HERC2: variants seen among roughly 807,000 people sequenced by gnomAD.
HERC2 encodes HECT and RLD domain containing E3 ubiquitin protein ligase 2, also known as E3 ubiquitin-protein ligase HERC2.
HERC2 carries 102 observed loss-of-function variants against 537.7 expected under a neutral mutation model. The observed-to-expected ratio is 0.19, with a 90% confidence interval of 0.16 to 0.22. The LOEUF is 0.22. Ranked by LOEUF, HERC2 falls within the 10% of genes least tolerant of loss-of-function variation. HERC2 has a pLI of 1.00. For synonymous variants in HERC2, 2,224 were observed against 2,466.2 expected (o/e 0.90, Z 2.91); for missense variants, 4,236 against 6,198.2 (o/e 0.68, Z 10.63).
At chr15:28,141,164 G>A (rs1401027579) in intron 78 of HERC2, among the ~76,000 whole-genome samples, 2 of 152,046 alleles carry the variant, frequency 1.3e-5, no homozygotes, top group Non-Finnish European at 2.9e-5. Flanking sequence ...CTTGAACTCA[G>A]GAGGTGGAGG....
rs894015418 is a variant in HERC2 at position 28,117,059 on chromosome 15, G to T, written c.13368C>A (p.Pro4456=). Residue 4456 remains proline, a synonymous_variant, in exon 87 of 93, where the codon CCC becomes CCA. Coordinates refer to ENST00000261609, the MANE Select transcript of HERC2 (RefSeq NM_004667.6). ...QMCAKMSSFG[P]DSLLLPHRVW... is the part of the protein sequence containing the mutation. The stretch of plus-strand genomic sequence containing the variant: ...CACGGTGAGGAAGGAGGAGGCTGTC[G>T]GGACCAAACGAGCTCATCTTAGCAC... 1 of 1,614,136 alleles carries T rather than the reference G, an allele frequency of 6.2e-7. No homozygotes were observed. The highest frequency in any genetic ancestry group is 1.1e-5 in the South Asian group (1 of 91,090).
At chr15:28,197,804 G>A (rs186956780) in intron 50 of HERC2, among the ~76,000 whole-genome samples, 10 of 152,254 alleles carry the variant, frequency 6.6e-5, no homozygotes, top group Admixed American at 5.9e-4. Flanking sequence ...ACATTTCACA[G>A]AATAACTGAC....
intron 56 of HERC2, among the ~76,000 whole-genome samples, chr15:28,182,851 G>C (rs780151438): frequency 5.3e-5 from 8 of 152,124 alleles, no homozygotes; most frequent in Non-Finnish European, 8.8e-5. Flanking sequence ...GGAAACAGAC[G>C]CACAGCTGCT....
At chr15:28,255,799 T>C in intron 19 of HERC2, 73 bp downstream of exon 19, 1 of 1,477,340 alleles carries the variant, frequency 6.8e-7, no homozygotes, top group Non-Finnish European at 9.2e-7. Context: ...TTTTCAGTTA[T>C]TCTTCACGTG....
chr15:28,301,040 C>T (rs115304007), intron 2 of HERC2, among the ~76,000 whole-genome samples: 3,079 of 151,874 alleles, frequency 0.02, 97 homozygotes, highest in African/African-American at 0.071. Flanking sequence ...CAATAAAAGA[C>T]GCTAGGGCTC....
intron 2 of HERC2, among the ~76,000 whole-genome samples, chr15:28,317,931 C>T (rs774705464): frequency 6.6e-6 from 1 of 152,134 alleles, no homozygotes; most frequent in Non-Finnish European, 1.5e-5. Context: ...TAAAAAATTG[C>T]TTCATGCCTA....
Position 28,193,260 on chromosome 15 carries a change from T to C in HERC2, c.8261-1109A>G, listed in dbSNP as rs138651333. 4.3e-3 allele frequency among the ~76,000 whole-genome samples: 658 copies of C among 152,308 alleles called. 7 individuals carry two copies. Among genetic ancestry groups the C allele is most frequent in the African/African-American group, 0.015 (618 of 41,568 alleles). Reference sequence around the variant, plus strand: ...ACTTTAATATAATAACTATGCTTACTGTGTTCAAAAAGATAATATTTCAGC... The same window carrying C: ...ACTTTAATATAATAACTATGCTTACCGTGTTCAAAAAGATAATATTTCAGC... On this transcript the variant is annotated intron_variant, in intron 52 of 92. Transcript: ENST00000261609.
chr15:28,228,804 A>T (rs1388605181), intron 34 of HERC2, among the ~76,000 whole-genome samples: 1 of 152,226 alleles, frequency 6.6e-6, no homozygotes, highest in Non-Finnish European at 1.5e-5. Flanking sequence ...TGCTCTCTGA[A>T]TACTCTGGTG....
intron 69 of HERC2, among the ~76,000 whole-genome samples, chr15:28,160,546 A>G (rs1280718004): frequency 6.6e-6 from 1 of 152,208 alleles, no homozygotes; most frequent in East Asian, 1.9e-4. Flanking sequence ...CGCGAGATAT[A>G]ATCTCCTGGT....
chr15:28,174,131 T>G (rs1191646827), intron 65 of HERC2, among the ~76,000 whole-genome samples: 1 of 152,158 alleles, frequency 6.6e-6, no homozygotes, highest in African/African-American at 2.4e-5. Context: ...AGGCAGTTAT[T>G]AGGAGTCCTG....
At chr15:28,247,196 A>G (rs1005256523) in intron 21 of HERC2, among the ~76,000 whole-genome samples, 4 of 151,906 alleles carry the variant, frequency 2.6e-5, no homozygotes, top group Non-Finnish European at 5.9e-5. Flanking sequence ...GGGTCTCACC[A>G]TGTTGCCCAG....
chr15:28,141,921 GA>G (rs1295166771), intron 76 of HERC2, 75 bp from the exon 77 acceptor site: 17 of 1,148,772 alleles, frequency 1.5e-5, no homozygotes, highest in Non-Finnish European at 1.9e-5. Context: ...AGGAAAGACA[GA>G]AGGAATCCCT....
In HERC2 at chr15:28,272,409, T is replaced by A. The variant is rs2140998577; in HGVS notation, c.912-23A>T. Reference sequence around the variant, plus strand: ...TGGCTAAAGGAGAAAAGATATTTATTCTAGTAAAAACAGATTAACTTCTTT... The same window carrying A: ...TGGCTAAAGGAGAAAAGATATTTATACTAGTAAAAACAGATTAACTTCTTT... On this transcript the variant is annotated intron_variant, in intron 8 of 92. Coordinates refer to ENST00000261609, the MANE Select transcript of HERC2 (RefSeq NM_004667.6). 8 of 1,595,782 alleles carry A rather than the reference T, an allele frequency of 5.0e-6. No homozygotes were observed. The East Asian group carries it at 6.8e-5, about 14-fold the overall frequency.
intron 2 of HERC2, among the ~76,000 whole-genome samples, chr15:28,311,441 G>C (rs1403006151): frequency 6.6e-6 from 1 of 152,128 alleles, no homozygotes; most frequent in East Asian, 1.9e-4. Context: ...TTCCAGCCTG[G>C]GCAACAGAGT....
chr15:28,192,966 A>G (rs1234613393), intron 52 of HERC2, among the ~76,000 whole-genome samples: 4 of 152,250 alleles, frequency 2.6e-5, no homozygotes, highest in East Asian at 3.9e-4. Flanking sequence ...CTCAGCATAA[A>G]ATCATCTCAA....
intron 79 of HERC2, among the ~76,000 whole-genome samples, chr15:28,133,373 A>G (rs768327643): frequency 2.6e-5 from 4 of 152,196 alleles, no homozygotes; most frequent in East Asian, 1.9e-4. Context: ...GTCAGATTAT[A>G]TGATTGTGAA....
intron 20 of HERC2, among the ~76,000 whole-genome samples, chr15:28,250,835 T>G (rs201558992): frequency 6.6e-6 from 1 of 152,204 alleles, no homozygotes; most frequent in African/African-American, 2.4e-5. Context: ...GATCCATGCT[T>G]ATGAAGACAG....
At position 28,291,777 on chromosome 15, in the gene HERC2, C is replaced by A. The variant is rs183643899; in HGVS notation, c.322+1111G>T. Among the ~76,000 whole-genome samples, 930 of 151,884 alleles carry A rather than the reference C, an allele frequency of 6.1e-3. 10 individuals are homozygous for A. Among genetic ancestry groups the A allele is most frequent in the African/African-American group, 0.021 (879 of 41,402 alleles). On this transcript the variant is annotated intron_variant, in intron 4 of 92. Coordinates refer to ENST00000261609, the MANE Select transcript of HERC2 (RefSeq NM_004667.6). ...GGAATTAGCCGGGTGTGGTGGTGCA[C>A]GCCTGTAGTCCCAGCTACTCGGAAG... is the stretch of plus-strand genomic sequence containing the variant.
intron 57 of HERC2, 26 bp from the exon 58 acceptor site, chr15:28,179,249 A>G (rs780140096): frequency 3.9e-6 from 6 of 1,534,524 alleles, no homozygotes; most frequent in African/African-American, 2.8e-5. Flanking sequence ...TTTAACAAAA[A>G]AAAAAGAAAA....
Sources: allele counts gnomAD v4.1 joint callset (sites outside exome capture counted in the v4.1 genomes callset), GRCh38; gene constraint gnomAD v4.1.1; transcripts MANE v1.5; gene names NCBI Gene and HGNC (gene_info 2026-07-23, HGNC 2026-07-21).